MRPS21: variants seen among roughly 807,000 people sequenced by gnomAD.
MRPS21 encodes mitochondrial ribosomal protein S21, also known as small ribosomal subunit protein bS21m.
In MRPS21, 8 loss-of-function variants were observed where a neutral mutation model predicts 9.9. The observed-to-expected ratio is 0.81, with a 90% CI of 0.47 to 1.45. The LOEUF is 1.45. Ranked by LOEUF, MRPS21 falls within the 40% of genes most tolerant of loss-of-function variation. The pLI, the probability that MRPS21 is intolerant of heterozygous loss-of-function variation, is 0.00. For synonymous variants in MRPS21, 40 were observed against 40.3 expected, an observed-to-expected ratio of 0.99 and a Z score of 0.03; for missense variants, 101 against 118.9, an observed-to-expected ratio of 0.85 and a Z score of 0.70.
intron 2 of MRPS21, among the ~76,000 whole-genome samples, chr1:150,307,770 G>A (rs1484567403): frequency 6.6e-6 from 1 of 152,040 alleles, no homozygotes; most frequent in African/African-American, 2.4e-5. Context: ...TGTAGAAACA[G>A]GGTTTTGCCA....
intron 2 of MRPS21, among the ~76,000 whole-genome samples, chr1:150,298,933 C>T (rs1009130729): frequency 7.2e-5 from 11 of 152,108 alleles, no homozygotes; most frequent in African/African-American, 2.4e-4. Context: ...AAGAGAGTAG[C>T]GGCTGGGTGC....
chr1:150,294,646 C>T (rs1386793960), intron 2 of MRPS21, among the ~76,000 whole-genome samples, 197 bp downstream of exon 2: 1 of 152,124 alleles, frequency 6.6e-6, no homozygotes, highest in African/African-American at 2.4e-5. Flanking sequence ...CGCCTGTAAT[C>T]CCAGCACTTT....
At chr1:150,294,066 G>T (rs1653821157) in intron 1 of MRPS21, 168 bp downstream of exon 1, 2 of 346,048 alleles carry the variant, frequency 5.8e-6, no homozygotes, top group South Asian at 5.3e-5. Context: ...GCGCATCCTT[G>T]TCGCTCGTGT....
chr1:150,300,708 A>G (rs2101906963), intron 2 of MRPS21, among the ~76,000 whole-genome samples: 1 of 152,266 alleles, frequency 6.6e-6, no homozygotes, highest in South Asian at 2.1e-4. Flanking sequence ...GCCTCCAGGC[A>G]GATGCATCAA....
At chr1:150,307,300 G>A (rs1207217162) in intron 2 of MRPS21, among the ~76,000 whole-genome samples, 4 of 148,736 alleles carry the variant, frequency 2.7e-5, no homozygotes, top group Non-Finnish European at 3.0e-5. Flanking sequence ...CACCTGCCTC[G>A]GCTTCCCGAA....
In MRPS21 at chr1:150,294,957, A is replaced by G. The variant is rs990432980; in HGVS notation, c.83+508A>G. ...CTGTATGAATTGTATTCAACAAGTA[A>G]TCACCCCCCGCACCTCCCCGCTTTT... is the stretch of plus-strand genomic sequence containing the variant. On this transcript the variant is annotated intron_variant, in intron 2 of 2. Coordinates refer to ENST00000614145, the MANE Select transcript of MRPS21 (RefSeq NM_031901.6). Among the ~76,000 whole-genome samples the G allele has an allele frequency of 1.3e-5, 2 of 151,294 alleles. 1 individual carries two copies. The highest frequency in any genetic ancestry group is 1.3e-4 in the Admixed American group (2 of 15,170).
intron 2 of MRPS21, chr1:150,304,159 A>C (rs1553858106): frequency 2.5e-6 from 1 of 405,056 alleles, no homozygotes; most frequent in East Asian, 7.2e-5. Context: ...AAAAATGCAA[A>C]AATTATCCAG....
At chr1:150,298,402 C>T (rs1442213885) in intron 2 of MRPS21, among the ~76,000 whole-genome samples, 1 of 152,108 alleles carries the variant, frequency 6.6e-6, no homozygotes, top group Non-Finnish European at 1.5e-5. Flanking sequence ...TTAGATAGGT[C>T]TTCTGGCCAT....
chr1:150,305,952 C>G (rs1654316373), intron 2 of MRPS21, among the ~76,000 whole-genome samples: 1 of 152,152 alleles, frequency 6.6e-6, no homozygotes. Flanking sequence ...AACTGAAAAA[C>G]CTGCTCATGT....
intron 2 of MRPS21, among the ~76,000 whole-genome samples, chr1:150,307,725 C>T (rs587767890): frequency 1.3e-5 from 2 of 152,204 alleles, no homozygotes; most frequent in Admixed American, 6.5e-5. Context: ...ACTACAGACA[C>T]ATATTACGAA....
chr1:150,297,625 C>T (rs1282544473), intron 2 of MRPS21, among the ~76,000 whole-genome samples: 3 of 151,336 alleles, frequency 2.0e-5, no homozygotes, highest in Non-Finnish European at 2.9e-5. Flanking sequence ...GAGCCAGAAT[C>T]GTGCCACTGC....
intron 2 of MRPS21, among the ~76,000 whole-genome samples, chr1:150,299,315 ACT>A (rs36016290): frequency 0.22 from 32,788 of 151,406 alleles, 3,967 homozygotes; most frequent in African/African-American, 0.29. Context: ...TTGAGAGAAG[ACT>A]CTTATTTCTT....
chr1:150,304,734 C>T (rs1174457873), intron 2 of MRPS21: 11 of 149,820 alleles, frequency 7.3e-5, no homozygotes, highest in Admixed American at 5.8e-4. Context: ...CCTGCCTGGG[C>T]AACAGAGCGA....
intron 2 of MRPS21, among the ~76,000 whole-genome samples, chr1:150,299,034 G>T (rs1490067162): frequency 5.3e-5 from 8 of 152,112 alleles, no homozygotes; most frequent in African/African-American, 1.9e-4. Flanking sequence ...TGGCCAACAT[G>T]GCGAAACCCC....
At chr1:150,304,325 T>C in intron 2 of MRPS21, 1 of 200,198 alleles carries the variant, frequency 5.0e-6, no homozygotes, top group Non-Finnish European at 1.0e-5. Flanking sequence ...AAAAAAAAAA[T>C]GGTGCCATGG....
chr1:150,301,377 A>T (rs1486372983), intron 2 of MRPS21: 1 of 248,438 alleles, frequency 4.0e-6, no homozygotes, highest in African/African-American at 2.4e-5. Context: ...AGGTGCCTGT[A>T]ATCCCAGCTA....
At chr1:150,307,218 T>C (rs2101913045) in intron 2 of MRPS21, among the ~76,000 whole-genome samples, 1 of 151,812 alleles carries the variant, frequency 6.6e-6, no homozygotes, top group South Asian at 2.1e-4. Context: ...CAGCTAATTT[T>C]TGTATTTTTA....
chr1:150,305,594 G>A (rs1405502696), intron 2 of MRPS21, among the ~76,000 whole-genome samples: 1 of 152,052 alleles, frequency 6.6e-6, no homozygotes, highest in African/African-American at 2.4e-5. Context: ...TATAGGGCAC[G>A]TGTTTTGTTT....
Position 150,308,363 on chromosome 1 carries a change from T to C in MRPS21, c.*135T>C. ...ACATGTCTGCAAGAAGGCCTCCAAA[T>C]ATAGAAACAATCCCATTAGTCAGCA... On this transcript the variant is annotated 3_prime_UTR_variant, in exon 3 of 3. Coordinates refer to ENST00000614145, the MANE Select transcript of MRPS21 (RefSeq NM_031901.6). The C allele has an allele frequency of 1.2e-6, 1 of 861,824 alleles. No individual in the cohort carries two copies. The allele number at this position is 861,824 out of a possible 1,614,324, so 53.4% of individuals were successfully genotyped here.
Sources: allele counts gnomAD v4.1 joint callset (sites outside exome capture counted in the v4.1 genomes callset), GRCh38; gene constraint gnomAD v4.1.1; transcripts MANE v1.5; gene names NCBI Gene and HGNC (gene_info 2026-07-23, HGNC 2026-07-21).